Variants in SPECC1 observed in about 807,000 individuals in gnomAD.
The protein encoded by SPECC1 is sperm antigen with calponin homology and coiled-coil domains 1.
Under a neutral mutation model 104.1 loss-of-function variants are expected in SPECC1, and 62 were observed. That is an observed-to-expected ratio of 0.60 (90% confidence interval 0.49 to 0.74). The LOEUF (loss-of-function observed/expected upper bound fraction) is 0.74. Ranked by LOEUF, SPECC1 falls within the 30% of genes least tolerant of loss-of-function variation. The pLI is 0.00. For synonymous variants in SPECC1, 513 were observed against 501.6 expected, an observed-to-expected ratio of 1.02 and a Z score of -0.30; for missense variants, 1,306 against 1,310.5, an observed-to-expected ratio of 1.00 and a Z score of 0.05.
At chr17:20,298,936 A>AGTGTGTGT in intron 13 of SPECC1, among the ~76,000 whole-genome samples, 1 of 53,242 alleles carries the variant, frequency 1.9e-5, no homozygotes, top group Non-Finnish European at 3.2e-5. Flanking sequence ...AGAGAGAGAG[A>AGTGTGTGT]GAGAGAGAGA....
At chr17:20,145,995 C>A (rs34712254) in intron 3 of SPECC1, among the ~76,000 whole-genome samples, 1 of 152,082 alleles carries the variant, frequency 6.6e-6, no homozygotes, top group African/African-American at 2.4e-5. Context: ...TCACCATCAC[C>A]TCCAGACTCC....
At chr17:20,027,713 T>C (rs1355533212) in intron 1 of SPECC1, among the ~76,000 whole-genome samples, 1 of 152,190 alleles carries the variant, frequency 6.6e-6, no homozygotes, top group Non-Finnish European at 1.5e-5. Flanking sequence ...ACTATAAATA[T>C]GTGGATTTAT....
intron 14 of SPECC1, among the ~76,000 whole-genome samples, chr17:20,311,716 C>A (rs980012802): frequency 2.6e-5 from 4 of 152,274 alleles, no homozygotes; most frequent in Admixed American, 6.5e-5. Flanking sequence ...ACATCCTTGC[C>A]TTGTTCATGA....
intron 3 of SPECC1, chr17:20,155,968 G>T: frequency 7.9e-7 from 1 of 1,262,412 alleles, no homozygotes; most frequent in African/African-American, 1.6e-5. Flanking sequence ...GATGAAGGGG[G>T]CGGGCCGCGA....
chr17:20,286,385 C>G (rs2040946397), intron 12 of SPECC1, among the ~76,000 whole-genome samples: 1 of 152,138 alleles, frequency 6.6e-6, no homozygotes, highest in Admixed American at 6.5e-5. Context: ...GATGAGTGGT[C>G]CTTGGGAAAA....
chr17:20,025,265 C>T (rs764588733), intron 1 of SPECC1, among the ~76,000 whole-genome samples: 1 of 152,190 alleles, frequency 6.6e-6, no homozygotes. Flanking sequence ...TCTGCTGACA[C>T]CTTGATCTCA....
chr17:20,146,404 T>C (rs1386937662), intron 3 of SPECC1, among the ~76,000 whole-genome samples: 3 of 152,230 alleles, frequency 2.0e-5, no homozygotes, highest in African/African-American at 7.2e-5. Context: ...TTTTTAGTGC[T>C]GAATAATATT....
Position 20,221,863 on chromosome 17 carries a change from T to C in SPECC1, c.1864-5550T>C, listed in dbSNP as rs776754207. 2.6e-5 allele frequency among the ~76,000 whole-genome samples: 4 copies of C among 152,262 alleles called. No homozygotes were observed. In the South Asian group the frequency reaches 8.3e-4, roughly 32 times the overall value. ...TCCATTTTCATTTGTTTTAAGACAT[T>C]TTAATTTTTTCTTCTTAATTCCTTC... On this transcript the variant is annotated intron_variant, in intron 4 of 14. Coordinates refer to ENST00000395527, the MANE Select transcript of SPECC1 (RefSeq NM_001243439.2).
intron 3 of SPECC1, among the ~76,000 whole-genome samples, chr17:20,172,761 C>G (rs1350318117): frequency 6.6e-6 from 1 of 152,170 alleles, no homozygotes; most frequent in East Asian, 1.9e-4. Context: ...TGCTTTACCC[C>G]TCAAGGCTGT....
At chr17:20,154,600 G>C (rs1315475804) in intron 3 of SPECC1, among the ~76,000 whole-genome samples, 2 of 152,198 alleles carry the variant, frequency 1.3e-5, no homozygotes, top group African/African-American at 4.8e-5. Context: ...TAAGGGCTTT[G>C]ACTTTCCCTC....
chr17:20,100,406 C>T (rs985052174), intron 2 of SPECC1, among the ~76,000 whole-genome samples: 2 of 152,180 alleles, frequency 1.3e-5, no homozygotes, highest in African/African-American at 2.4e-5. Flanking sequence ...AAGTAATTTT[C>T]CCTCCCAATA....
intron 3 of SPECC1, among the ~76,000 whole-genome samples, chr17:20,144,823 T>TTAA (rs2031274724): frequency 6.6e-6 from 1 of 152,178 alleles, no homozygotes; most frequent in Non-Finnish European, 1.5e-5. Context: ...AGTGGGCAGA[T>TTAA]AATAGAGGTG....
At chr17:20,202,952 G>A (rs1383656563) in intron 3 of SPECC1, among the ~76,000 whole-genome samples, 1 of 152,092 alleles carries the variant, frequency 6.6e-6, no homozygotes, top group Non-Finnish European at 1.5e-5. Context: ...TTTCAAAAGA[G>A]CTCAGCTGTT....
chr17:20,303,572 T>A (rs941093454), intron 13 of SPECC1, among the ~76,000 whole-genome samples: 1 of 151,958 alleles, frequency 6.6e-6, no homozygotes, highest in Non-Finnish European at 1.5e-5. Flanking sequence ...GGGTAGAGAG[T>A]GAGAGCCGTG....
chr17:20,083,220 G>T (rs2047051480), intron 1 of SPECC1, among the ~76,000 whole-genome samples: 1 of 152,232 alleles, frequency 6.6e-6, no homozygotes, highest in South Asian at 2.1e-4. Flanking sequence ...GGGTCTGAAT[G>T]CCAGCCAGCT....
chr17:20,221,295 A>G (rs2037858357), intron 4 of SPECC1, among the ~76,000 whole-genome samples: 1 of 152,010 alleles, frequency 6.6e-6, no homozygotes, highest in South Asian at 2.1e-4. Context: ...GGTCCTGGGC[A>G]TTTCTTTGCT....
At chr17:20,292,216 G>T (rs1211759740) in intron 12 of SPECC1, among the ~76,000 whole-genome samples, 2 of 151,992 alleles carry the variant, frequency 1.3e-5, no homozygotes, top group Non-Finnish European at 2.9e-5. Context: ...CAGACCCTCT[G>T]TTAGAGGCCC....
chr17:20,313,786 C>T (rs1255381740), intron 14 of SPECC1, among the ~76,000 whole-genome samples, 190 bp from the exon 15 acceptor site: 4 of 152,192 alleles, frequency 2.6e-5, no homozygotes, highest in African/African-American at 9.7e-5. Context: ...GACAGTATCT[C>T]CTGAATAAGT....
At chr17:20,222,901 T>C (rs1345714371) in intron 4 of SPECC1, among the ~76,000 whole-genome samples, 2 of 152,310 alleles carry the variant, frequency 1.3e-5, no homozygotes, top group East Asian at 3.9e-4. Flanking sequence ...TGCCTCTCTC[T>C]CCCTGGCCTG....
Sources: gnomAD v4.1 joint callset for allele counts (sites outside exome capture counted in the v4.1 genomes callset) on GRCh38, gnomAD v4.1.1 for gene constraint, MANE v1.5 for transcripts, NCBI Gene and HGNC (gene_info 2026-07-23, HGNC 2026-07-21) for gene names.